WDPCP: variants seen among roughly 807,000 people sequenced by gnomAD.
WDPCP encodes WD repeat-containing and planar cell polarity effector protein fritz homolog.
Under a neutral mutation model 93.1 loss-of-function variants are expected in WDPCP, and 71 were observed. The observed-to-expected ratio is 0.76, with a 90% CI of 0.63 to 0.93. WDPCP has a LOEUF of 0.93. Ranked by LOEUF, WDPCP falls within the 40% of genes least tolerant of loss-of-function variation. The pLI is 0.00. For synonymous variants in WDPCP, 315 were observed against 315.0 expected (o/e 1.00, Z 0.00); for missense variants, 844 against 887.4 (o/e 0.95, Z 0.62).
intron 10 of WDPCP, among the ~76,000 whole-genome samples, chr2:63,385,231 A>G (rs1340972212): frequency 7.2e-5 from 11 of 152,150 alleles, no homozygotes; most frequent in Admixed American, 6.6e-4. Flanking sequence ...GATTGGAAAC[A>G]AAGAAAGGAT....
rs569757371 is a variant in WDPCP at position 63,162,572 on chromosome 2, A to G, written c.2079-8998T>C. ...ATGCTAGTCTTCACTGAGGAGGGAT[A>G]TTTGAATGGGGAGAGGACTGAGTTT... On this transcript the variant is annotated intron_variant, in intron 15 of 17. Transcript: ENST00000272321. Among the ~76,000 whole-genome samples, 4 of 152,284 alleles carry G rather than the reference A, an allele frequency of 2.6e-5. No homozygotes were observed. In the East Asian group the frequency reaches 5.8e-4, roughly 22 times the overall value.
chr2:63,811,438 T>C lies in WDPCP; in HGVS notation n.308+2184A>G, dbSNP rs1303061557. Among the ~76,000 whole-genome samples, 3 of 152,280 alleles carry C rather than the reference T, an allele frequency of 2.0e-5. No individual in the cohort carries two copies. In the East Asian group the frequency reaches 5.8e-4, roughly 29 times the overall value. ...GCCTCTAGGAACTACAGGTGGTCTC[T>C]AGGTGCTAAGGGCATCCTCCAGCCA... On this transcript the variant is annotated intron_variant and non_coding_transcript_variant, in intron 2 of 4. Coordinates refer to the WDPCP transcript ENST00000467687.
chr2:63,282,799 C>T (rs1449254173), intron 13 of WDPCP, among the ~76,000 whole-genome samples: 1 of 152,080 alleles, frequency 6.6e-6, no homozygotes, highest in African/African-American at 2.4e-5. Context: ...TGACTTCCCC[C>T]ACCCCCAAGA....
chr2:63,154,333 G>A (rs1047250362), intron 15 of WDPCP, among the ~76,000 whole-genome samples: 1 of 151,844 alleles, frequency 6.6e-6, no homozygotes, highest in African/African-American at 2.4e-5. Context: ...TATACACCCT[G>A]GCAACCACAG....
chr2:63,290,374 A>ACAG (rs1684318663), intron 13 of WDPCP, among the ~76,000 whole-genome samples: 1 of 151,996 alleles, frequency 6.6e-6, no homozygotes, highest in Non-Finnish European at 1.5e-5. Context: ...CCCTCCTCTG[A>ACAG]TGTTGCTGTT....
At chr2:63,381,326 T>C (rs1027457755) in intron 11 of WDPCP, among the ~76,000 whole-genome samples, 1 of 152,072 alleles carries the variant, frequency 6.6e-6, no homozygotes, top group Non-Finnish European at 1.5e-5. Flanking sequence ...ATCTTAGATA[T>C]ATATCAACAA....
intron 2 of WDPCP, among the ~76,000 whole-genome samples, chr2:63,748,079 A>G (rs1022579747): frequency 6.6e-6 from 1 of 151,836 alleles, no homozygotes; most frequent in Admixed American, 6.6e-5. Context: ...TATAGAAATG[A>G]AATAGAGTTT....
chr2:63,342,978 T>G lies in WDPCP; in HGVS notation c.1749-29667A>C, dbSNP rs138575145. Among the ~76,000 whole-genome samples the G allele has an allele frequency of 9.4e-4, 143 of 152,252 alleles. 2 individuals are homozygous for G. The highest frequency in any genetic ancestry group is 3.1e-3 in the African/African-American group (130 of 41,546). On this transcript the variant is annotated intron_variant, in intron 12 of 17. Transcript: ENST00000272321. ...TTAATTCTCCCTCATTTTTAAGAGATAATTTTGCTGGATATAAAATTCTTT... is the reference window on the plus strand; with the variant it reads ...TTAATTCTCCCTCATTTTTAAGAGAGAATTTTGCTGGATATAAAATTCTTT...
chr2:63,187,344 T>G (rs1674715722), intron 14 of WDPCP, among the ~76,000 whole-genome samples: 1 of 152,212 alleles, frequency 6.6e-6, no homozygotes, highest in Admixed American at 6.5e-5. Context: ...GCTGAGGGGT[T>G]TAATTGCCTC....
chr2:63,543,023 G>A (rs1704860002), intron 1 of WDPCP, among the ~76,000 whole-genome samples: 1 of 151,950 alleles, frequency 6.6e-6, no homozygotes, highest in African/African-American at 2.4e-5. Flanking sequence ...ACTAAAGGTG[G>A]TAGTTTTGAA....
At chr2:63,192,533 A>G (rs1400739937) in intron 14 of WDPCP, among the ~76,000 whole-genome samples, 5 of 152,216 alleles carry the variant, frequency 3.3e-5, no homozygotes, top group South Asian at 2.1e-4. Context: ...GGTAGGTATC[A>G]TTACCCCATT....
At chr2:63,205,630 T>G (rs1281770356) in intron 14 of WDPCP, among the ~76,000 whole-genome samples, 1 of 152,234 alleles carries the variant, frequency 6.6e-6, no homozygotes, top group Non-Finnish European at 1.5e-5. Flanking sequence ...TTCACATTGT[T>G]CATTGTTGGG....
chr2:63,294,451 A>C (rs1369191256), intron 13 of WDPCP, among the ~76,000 whole-genome samples: 1 of 138,188 alleles, frequency 7.2e-6, no homozygotes, highest in African/African-American at 2.7e-5. Context: ...TGGAGGTTGC[A>C]GGGAGCTGAG....
At chr2:63,261,345 G>T (rs1368871542) in intron 13 of WDPCP, among the ~76,000 whole-genome samples, 1 of 151,932 alleles carries the variant, frequency 6.6e-6, no homozygotes, top group Non-Finnish European at 1.5e-5. Flanking sequence ...ACTTTAATTG[G>T]AAGTGATTTG....
chr2:63,594,312 A>T, intron 3 of WDPCP: 1 of 716,426 alleles, frequency 1.4e-6, no homozygotes, highest in South Asian at 1.4e-5. Flanking sequence ...GGTGAGAGTT[A>T]AATAACACCA....
At chr2:63,815,812 A>G (rs564237788) in intron 1 of WDPCP, among the ~76,000 whole-genome samples, 2 of 152,338 alleles carry the variant, frequency 1.3e-5, no homozygotes, top group Admixed American at 1.3e-4. Flanking sequence ...GATAGCTGCA[A>G]GTACTAATAA....
intron 9 of WDPCP, among the ~76,000 whole-genome samples, chr2:63,429,442 T>C (rs1228600492): frequency 6.6e-6 from 1 of 151,978 alleles, no homozygotes; most frequent in Non-Finnish European, 1.5e-5. Flanking sequence ...AAACTGTGCA[T>C]CCAACAAAGG....
At chr2:63,199,730 G>A (rs997453107) in intron 14 of WDPCP, among the ~76,000 whole-genome samples, 2 of 152,220 alleles carry the variant, frequency 1.3e-5, no homozygotes, top group African/African-American at 4.8e-5. Flanking sequence ...TGGGAACTGT[G>A]GGGTTGGAGG....
rs1299209325 is a variant in WDPCP, at chr2:63,537,015, G to A, written c.76-44075C>T. Reference sequence around the variant, plus strand: ...ACTCTGGGCCTCAAGTGATCCACCCGCCTCAGCCTCCCATAGTACTGGAAT... The same window carrying A: ...ACTCTGGGCCTCAAGTGATCCACCCACCTCAGCCTCCCATAGTACTGGAAT... On this transcript the variant is annotated intron_variant, in intron 1 of 17. Coordinates refer to ENST00000272321, the MANE Select transcript of WDPCP (RefSeq NM_015910.7). 4.6e-5 allele frequency among the ~76,000 whole-genome samples: 7 copies of A among 151,862 alleles called. 1 individual carries two copies. The highest frequency in any genetic ancestry group is 2.1e-4 in the South Asian group (1 of 4,816).
Sources: allele counts gnomAD v4.1 joint callset (sites outside exome capture counted in the v4.1 genomes callset), GRCh38; gene constraint gnomAD v4.1.1; transcripts MANE v1.5; gene names NCBI Gene and HGNC (gene_info 2026-07-23, HGNC 2026-07-21).